The following NBPF11 variants were observed in gnomAD, a reference collection of about 807,000 sequenced individuals.
The protein encoded by NBPF11 is NBPF family member NBPF11.
NBPF11 carries 72 observed loss-of-function variants against 93.9 expected under a neutral mutation model. The ratio of observed to expected loss-of-function variants is 0.77; its 90% CI spans 0.63 to 0.93. The LOEUF (loss-of-function observed/expected upper bound fraction) is 0.93, where lower values mean the gene tolerates loss of function less well. Ranked by LOEUF, NBPF11 falls within the 40% of genes least tolerant of loss-of-function variation. The pLI is 0.00. For synonymous variants in NBPF11, 224 were observed against 304.9 expected, an observed-to-expected ratio of 0.73 and a Z score of 2.76; for missense variants, 705 against 802.2, an observed-to-expected ratio of 0.88 and a Z score of 1.46.
chr1:148,124,853 G>A (rs1391754607), intron 6 of NBPF11, 46 bp downstream of exon 6: 2 of 1,598,650 alleles, frequency 1.3e-6, no homozygotes, highest in Admixed American at 1.7e-5. Flanking sequence ...GTACTTCAGA[G>A]ATCTACACAC....
chr1:148,103,285 CCAGGGTAA>C lies in NBPF11; in HGVS notation c.*603_*610del, dbSNP rs1407064245. On this transcript the variant is annotated 3_prime_UTR_variant, in exon 24 of 24. Coordinates refer to ENST00000682118, the MANE Select transcript of NBPF11 (RefSeq NM_001385469.3). ...AAGAATGAGGTTAGGTTCATTGAAACCAGGGTAACACCTTTGGATGAGCTAAACACAAA... is the reference window on the plus strand; with the variant it reads ...AAGAATGAGGTTAGGTTCATTGAAACCACCTTTGGATGAGCTAAACACAAA... 32 of 314,548 alleles carry C rather than the reference CCAGGGTAA, an allele frequency of 1.0e-4. No individual in the cohort carries two copies. Among genetic ancestry groups the C allele is most frequent in the African/African-American group, 7.0e-4 (32 of 45,540 alleles). 19.5% of individuals were successfully genotyped at this position (314,548 alleles called of 1,614,324 possible). A position where few individuals can be genotyped will look rare whatever the true frequency, so the allele number is the denominator to read the frequency against.
At position 148,102,310 on chromosome 1, in the gene NBPF11, AT is replaced by A. The variant is rs1662526849; in HGVS notation, c.*1585del. The A allele has an allele frequency of 1.3e-5, 2 of 151,918 alleles. No homozygotes were observed. Among genetic ancestry groups the A allele is most frequent in the African/African-American group, 2.4e-5 (1 of 41,180 alleles). 9.4% of individuals were successfully genotyped at this position (151,918 alleles called of 1,614,324 possible). ...CAAAATTTGCAGCGTAGAGATATGA[AT>A]ATAATAATAGACACAGGCAGGGAGG... On this transcript the variant is annotated 3_prime_UTR_variant, in exon 24 of 24. Transcript: ENST00000682118.
intron 1 of NBPF11, among the ~76,000 whole-genome samples, chr1:148,147,662 T>A (rs1673403978): frequency 7.2e-5 from 11 of 151,928 alleles, no homozygotes; most frequent in Admixed American, 7.2e-4. Flanking sequence ...CAGGCACAGC[T>A]CTGAGAAGTC....
intron 4 of NBPF11, among the ~76,000 whole-genome samples, chr1:148,127,800 G>A (rs1339398321): frequency 8.1e-5 from 12 of 147,634 alleles, no homozygotes; most frequent in African/African-American, 2.8e-4. Flanking sequence ...CCGCCACCAC[G>A]CCCGGCTAAT....
In NBPF11 at chr1:148,106,233, C is replaced by T. The variant is rs1168589648; in HGVS notation, c.2252-1G>A. 7 of 790,706 alleles carry T rather than the reference C, an allele frequency of 8.9e-6. No individual in the cohort carries two copies. The highest frequency in any genetic ancestry group is 1.6e-5 in the Non-Finnish European group (7 of 437,630). 49.0% of individuals were successfully genotyped at this position (790,706 alleles called of 1,614,324 possible). ...TCCTCTTCTTGGTCCTTTTTAATTC[C>T]TGCAATACATTCAGACAGGGACAGA... On this transcript the variant is annotated splice_acceptor_variant, in intron 20 of 23. Coordinates refer to ENST00000682118, the MANE Select transcript of NBPF11 (RefSeq NM_001385469.3). LOFTEE classifies it high-confidence loss of function.
chr1:148,115,919 C>T lies in NBPF11; in HGVS notation c.1459G>A (p.Gly487Ser). 6 of 1,584,612 alleles carry T rather than the reference C, an allele frequency of 3.8e-6. 1 individual carries two copies. The highest frequency in any genetic ancestry group is 5.2e-6 in the Non-Finnish European group (6 of 1,163,088). Residue 487 changes from glycine (G) to serine (S), a missense_variant, in exon 14 of 24, where the codon GGC becomes AGC. By Grantham distance (56) the Gly-to-Ser change is moderately conservative. Transcript: ENST00000682118. ...TGTGGCTGGTTGGAGTCATAAGGGC[C>T]ATGGCTATTTGAACAAGTGATGGCA... is the stretch of plus-strand genomic sequence containing the variant. ...ECAITCSNSHGPYDSNQPHRK... is the reference protein window; with the variant it reads ...ECAITCSNSHSPYDSNQPHRK...
chr1:148,111,127 C>G (rs782646864), intron 15 of NBPF11, among the ~76,000 whole-genome samples: 5 of 151,270 alleles, frequency 3.3e-5, no homozygotes, highest in Non-Finnish European at 7.4e-5. Flanking sequence ...GAGTGGACTT[C>G]CAGCAAACTC....
At chr1:148,119,839 G>A (rs1667421709) in intron 10 of NBPF11, among the ~76,000 whole-genome samples, 1 of 151,788 alleles carries the variant, frequency 6.6e-6, no homozygotes, top group Non-Finnish European at 1.5e-5. Flanking sequence ...TATTTTTAGT[G>A]GAGATGGGGT....
At chr1:148,149,423 C>A (rs1647686091) in intron 1 of NBPF11, 1 of 1,581,760 alleles carries the variant, frequency 6.3e-7, no homozygotes, top group Non-Finnish European at 8.5e-7. Flanking sequence ...CTCGCACGGG[C>A]TGGCGCTCTA....
intron 4 of NBPF11, among the ~76,000 whole-genome samples, chr1:148,134,816 A>G (rs1175148444): frequency 6.6e-6 from 1 of 151,924 alleles, no homozygotes; most frequent in Middle Eastern, 3.2e-3. Context: ...AGAATAGAAG[A>G]GATGCTCACA....
Position 148,147,048 on chromosome 1 carries a change from A to G in NBPF11, c.-548-3362T>C, listed in dbSNP as rs1480097831. 7.5e-4 allele frequency: 730 copies of G among 974,426 alleles called. 5 individuals carry two copies. In the East Asian group the frequency reaches 0.018, roughly 24 times the overall value. The allele number at this position is 974,426 out of a possible 1,614,324, so 60.4% of individuals were successfully genotyped here. On this transcript the variant is annotated intron_variant, in intron 1 of 23. Transcript: ENST00000682118. ...GCAGGAGGGGAGCCACAGTGGATGC[A>G]CAGGGCCAGAGAGCCGGACAGGCGA...
intron 3 of NBPF11, among the ~76,000 whole-genome samples, chr1:148,137,189 T>C (rs9437869): frequency 4.6e-5 from 7 of 151,984 alleles, no homozygotes; most frequent in South Asian, 2.1e-4. Context: ...CATCACTCCA[T>C]ACATGACAGA....
Position 148,126,820 on chromosome 1 carries a change from A to G in NBPF11, c.175+9T>C, listed in dbSNP as rs1553273192. The stretch of plus-strand genomic sequence containing the variant: ...ATCACTTTCATGATGGTGAGCCTAT[A>G]GATCTTACTGTATTTCTTCTGTCGG... On this transcript the variant is annotated intron_variant, in intron 5 of 23. Transcript: ENST00000682118. 3.9e-4 allele frequency: 623 copies of G among 1,591,556 alleles called. 7 individuals carry two copies. The South Asian group carries it at 6.6e-3, about 17-fold the overall frequency.
rs1192113424 is a variant in NBPF11, at chr1:148,120,799, C to T, written c.779-89G>A. 3.3e-4 allele frequency: 315 copies of T among 960,666 alleles called. 3 individuals carry two copies. The highest frequency in any genetic ancestry group is 4.9e-4 in the Non-Finnish European group (288 of 588,282). The allele number at this position is 960,666 out of a possible 1,614,324, so 59.5% of individuals were successfully genotyped here. The stretch of plus-strand genomic sequence containing the variant: ...AGGACTGAGGGATGTCACTGGTAGC[C>T]TTGTTTACTTATTTGAAGATGTTGT... On this transcript the variant is annotated intron_variant, in intron 9 of 23. Coordinates refer to ENST00000682118, the MANE Select transcript of NBPF11 (RefSeq NM_001385469.3).
chr1:148,111,013 A>G (rs1377228379), intron 15 of NBPF11, among the ~76,000 whole-genome samples: 1 of 151,746 alleles, frequency 6.6e-6, no homozygotes, highest in Admixed American at 6.6e-5. Context: ...ATACTAGCCA[A>G]CATACTACCA....
At position 148,122,080 on chromosome 1, in the gene NBPF11, A is replaced by T. The variant is rs1668006897; in HGVS notation, c.753T>A (p.Cys251Ter). 39 of 1,611,682 alleles carry T rather than the reference A, an allele frequency of 2.4e-5. 1 individual carries two copies. In the South Asian group the frequency reaches 4.2e-4, roughly 17 times the overall value. The change falls in exon 9 of 24, where the codon TGT becomes TGA. Residue 251 changes from cysteine to a stop codon, truncating the protein, a stop_gained. Coordinates refer to ENST00000682118, the MANE Select transcript of NBPF11 (RefSeq NM_001385469.3). LOFTEE classifies it high-confidence loss of function. ...VVDRESSHDG[C>*]QDALNILPVP... is the part of the protein sequence containing the mutation. ...CTGGGAGAATGTTTAGAGCATCCTG[A>T]CATCCATCATGAGAGGATTCTCTGT...
chr1:148,106,584 G>A lies in NBPF11; in HGVS notation c.2252-352C>T, dbSNP rs1468896172. On this transcript the variant is annotated intron_variant, in intron 20 of 23. Coordinates refer to ENST00000682118, the MANE Select transcript of NBPF11 (RefSeq NM_001385469.3). ...CCCTGTCTCATCAAATGCCCAGCTCGTTCACGGATGCAAGAATTTTAGACA... is the reference window on the plus strand; with the variant it reads ...CCCTGTCTCATCAAATGCCCAGCTCATTCACGGATGCAAGAATTTTAGACA... 3.5e-5 allele frequency among the ~76,000 whole-genome samples: 5 copies of A among 141,006 alleles called. 1 individual carries two copies. The highest frequency in any genetic ancestry group is 2.2e-4 in the South Asian group (1 of 4,586). The allele number at this position is 141,006 out of a possible 152,430, so 92.5% of individuals were successfully genotyped here. A position where few individuals can be genotyped will look rare whatever the true frequency, so the allele number is the denominator to read the frequency against.
Position 148,108,593 on chromosome 1 carries a change from A to C in NBPF11, c.1915T>G (p.Cys639Gly). The C allele has an allele frequency of 1.3e-6, 2 of 1,561,182 alleles. No homozygotes were observed. Among genetic ancestry groups the C allele is most frequent in the Non-Finnish European group, 1.8e-6 (2 of 1,134,760 alleles). ...AGATAAACTGAAGGAGTTGAATAACATCTATCCAGTGAGTCCTGCAAGACT... is the reference window on the plus strand; with the variant it reads ...AGATAAACTGAAGGAGTTGAATAACCTCTATCCAGTGAGTCCTGCAAGACT... ...PEVLQDSLDRCYSTPSVYLGL... is the reference protein window; with the variant it reads ...PEVLQDSLDRGYSTPSVYLGL... Residue 639 changes from cysteine to glycine, a missense_variant, in exon 18 of 24, where the codon TGT (cysteine) becomes GGT (glycine). Coordinates refer to ENST00000682118, the MANE Select transcript of NBPF11 (RefSeq NM_001385469.3).
At chr1:148,123,566 G>A (rs1456750503) in intron 7 of NBPF11, among the ~76,000 whole-genome samples, 42 of 151,182 alleles carry the variant, frequency 2.8e-4, no homozygotes, top group African/African-American at 8.8e-4. Flanking sequence ...TCCAACAAGC[G>A]CCCTCCCATC....
Sources: gnomAD v4.1 joint callset for allele counts (sites outside exome capture counted in the v4.1 genomes callset) on GRCh38, gnomAD v4.1.1 for gene constraint, MANE v1.5 for transcripts, NCBI Gene and HGNC (gene_info 2026-07-23, HGNC 2026-07-21) for gene names.